SLC2A14: variants seen among roughly 807,000 people sequenced by gnomAD.
SLC2A14 encodes solute carrier family 2 member 14.
In SLC2A14, 13 loss-of-function variants were observed where a neutral mutation model predicts 43.0. That is an observed-to-expected ratio of 0.30 (90% CI 0.20 to 0.48). SLC2A14 has a LOEUF of 0.48. SLC2A14 is among the 20% of genes least tolerant of loss of function. The pLI is 0.99. For missense variants in SLC2A14, 428 were observed against 620.4 expected (o/e 0.69, Z 3.29); for synonymous variants, 190 against 233.8 (o/e 0.81, Z 1.71).
intron 2 of SLC2A14, among the ~76,000 whole-genome samples, chr12:7,859,481 A>G (rs1386861228): frequency 1.3e-5 from 2 of 152,254 alleles, no homozygotes; most frequent in Middle Eastern, 3.4e-3. Context: ...CAAGGAGCCC[A>G]TTTATTATAC....
chr12:7,861,330 C>G (rs1944548069), intron 2 of SLC2A14, among the ~76,000 whole-genome samples: 1 of 152,016 alleles, frequency 6.6e-6, no homozygotes, highest in Non-Finnish European at 1.5e-5. Context: ...AAGTTGACAT[C>G]TAAGAAAATT....
At chr12:7,838,148 C>T (rs181108610) in intron 2 of SLC2A14, among the ~76,000 whole-genome samples, 3 of 151,488 alleles carry the variant, frequency 2.0e-5, no homozygotes, top group African/African-American at 4.8e-5. Flanking sequence ...AGTGCAGTGC[C>T]GAGATCTTGG....
chr12:7,829,167 G>A (rs889617192), intron 5 of SLC2A14, among the ~76,000 whole-genome samples: 2 of 151,728 alleles, frequency 1.3e-5, no homozygotes, highest in East Asian at 1.9e-4. Context: ...AGCCGAGATC[G>A]CGCCACTGCC....
intron 2 of SLC2A14, among the ~76,000 whole-genome samples, chr12:7,867,227 GGAGATCTC>G (rs1944963529): frequency 6.7e-6 from 1 of 149,452 alleles, no homozygotes; most frequent in African/African-American, 2.5e-5. Context: ...TGCAGTGAGC[GGAGATCTC>G]GTGCCACTGC....
chr12:7,814,612 T>C, intron 10 of SLC2A14, 78 bp from the exon 11 acceptor site: 1 of 1,452,110 alleles, frequency 6.9e-7, no homozygotes, highest in Non-Finnish European at 9.3e-7. Flanking sequence ...CACATTCATA[T>C]TTCCAATAGG....
chr12:7,872,654 A>C (rs958505526), intron 1 of SLC2A14, 153 bp downstream of exon 1: 17 of 529,544 alleles, frequency 3.2e-5, no homozygotes, highest in Admixed American at 2.6e-4. Flanking sequence ...CCAAGGCTCC[A>C]AGGCTAGTTT....
chr12:7,822,469 C>T lies in SLC2A14; in HGVS notation c.865-1144G>A, dbSNP rs747976385. ...GATCACGAGGTCAGGAGATCGAGAC[C>T]ATCCTGGCTAACGTGGTGAAACCGT... On this transcript the variant is annotated intron_variant, in intron 7 of 10. Coordinates refer to ENST00000431042, the MANE Select transcript of SLC2A14 (RefSeq NM_001286234.2). Among the ~76,000 whole-genome samples, 26 of 151,698 alleles carry T rather than the reference C, an allele frequency of 1.7e-4. No individual in the cohort carries two copies. The South Asian group carries it at 5.4e-3, about 32-fold the overall frequency.
At chr12:7,876,322 T>G (rs976192894), upstream of SLC2A14, among the ~76,000 whole-genome samples, 12 of 137,508 alleles carry the variant, frequency 8.7e-5, no homozygotes, top group Admixed American at 7.6e-4. Flanking sequence ...AACAGGGAGC[T>G]CTCTCCTGGA....
chr12:7,815,382 T>C (rs1863345976), intron 10 of SLC2A14, among the ~76,000 whole-genome samples: 2 of 151,992 alleles, frequency 1.3e-5, no homozygotes, highest in Admixed American at 6.6e-5. Flanking sequence ...AGCCACTGCA[T>C]TCCACCGTGG....
chr12:7,864,839 G>A (rs537067742), intron 2 of SLC2A14, among the ~76,000 whole-genome samples: 15 of 152,022 alleles, frequency 9.9e-5, no homozygotes, highest in African/African-American at 3.4e-4. Flanking sequence ...ATACTCTTAG[G>A]GTATTTTCAT....
intron 1 of SLC2A14, among the ~76,000 whole-genome samples, chr12:7,889,453 C>T (rs1272381492): frequency 6.6e-6 from 1 of 151,042 alleles, no homozygotes; most frequent in East Asian, 1.9e-4. Flanking sequence ...AGGCTGTTCT[C>T]GAACTCCTGA....
Position 7,827,747 on chromosome 12 carries a change from A to G in SLC2A14, c.677-65T>C, listed in dbSNP as rs772854397. 25 of 1,462,174 alleles carry G rather than the reference A, an allele frequency of 1.7e-5. No homozygotes were observed. The South Asian group carries it at 3.4e-4, about 20-fold the overall frequency. The allele number at this position is 1,462,174 out of a possible 1,614,324, so 90.6% of individuals were successfully genotyped here. Reference sequence around the variant, plus strand: ...GCTGCCCCAAATTCATTCTTCCTGTAAGGCAGCCAGGAAAGGGCCGCACGA... The same window carrying G: ...GCTGCCCCAAATTCATTCTTCCTGTGAGGCAGCCAGGAAAGGGCCGCACGA... On this transcript the variant is annotated intron_variant, in intron 6 of 10. Coordinates refer to ENST00000431042, the MANE Select transcript of SLC2A14 (RefSeq NM_001286234.2).
rs200083055 is a variant in SLC2A14, at chr12:7,817,739, A to AAT, written c.1275+90_1275+91dup. ...CACCAGGGCGAGACTCAGTCTCAAAAATATATATATATATAGATAGATAGA... is the reference window on the plus strand; with the variant it reads ...CACCAGGGCGAGACTCAGTCTCAAAAATATATATATATATATAGATAGATAGA... On this transcript the variant is annotated intron_variant, in intron 10 of 10. Transcript: ENST00000431042. The AAT allele has an allele frequency of 6.4e-4, 494 of 774,004 alleles. 2 individuals carry two copies. Among genetic ancestry groups the AAT allele is most frequent in the Non-Finnish European group, 8.0e-4 (450 of 563,474 alleles). The allele number at this position is 774,004 out of a possible 1,614,324, so 47.9% of individuals were successfully genotyped here.
chr12:7,848,584 T>G (rs1053981501), intron 2 of SLC2A14, among the ~76,000 whole-genome samples: 4 of 151,914 alleles, frequency 2.6e-5, no homozygotes, highest in Admixed American at 2.0e-4. Flanking sequence ...GACAGAGTTT[T>G]TGCTCTTGTC....
intron 2 of SLC2A14, among the ~76,000 whole-genome samples, chr12:7,840,974 T>TA (rs35629381): frequency 0.12 from 17,627 of 152,052 alleles, 2,418 homozygotes; most frequent in African/African-American, 0.32. Context: ...GATGCTAGGG[T>TA]AATGCACTAA....
intron 3 of SLC2A14, among the ~76,000 whole-genome samples, chr12:7,832,498 C>T (rs1865121444): frequency 6.6e-6 from 1 of 152,114 alleles, no homozygotes; most frequent in Non-Finnish European, 1.5e-5. Flanking sequence ...AGGATAGATA[C>T]AAAGTTTAAT....
chr12:7,883,881 C>A (rs1182901806), intron 1 of SLC2A14, among the ~76,000 whole-genome samples: 2 of 151,566 alleles, frequency 1.3e-5, no homozygotes, highest in Non-Finnish European at 2.9e-5. Context: ...CCACGCCTGG[C>A]CCACAAATGC....
At chr12:7,826,932 T>G (rs887006584) in intron 7 of SLC2A14, among the ~76,000 whole-genome samples, 1 of 141,106 alleles carries the variant, frequency 7.1e-6, no homozygotes, top group African/African-American at 2.6e-5. Context: ...TTTTCTTTCC[T>G]TTCCTTTCCT....
rs1343720417 is a variant in SLC2A14, at chr12:7,826,899, TTC to T, written c.864+594_864+595del. ...TTTCTTTCTTTCTTTCTTTCTTTCT[TTC>T]TTTCTTTCTTTCTTTTTCCTTTTTC... On this transcript the variant is annotated intron_variant, in intron 7 of 10. Coordinates refer to ENST00000431042, the MANE Select transcript of SLC2A14 (RefSeq NM_001286234.2). Among the ~76,000 whole-genome samples the T allele has an allele frequency of 5.1e-5, 4 of 78,174 alleles. 1 individual carries two copies. The highest frequency in any genetic ancestry group is 2.5e-4 in the African/African-American group (4 of 15,946). The allele number at this position is 78,174 out of a possible 152,430, so 51.3% of individuals were successfully genotyped here.
Sources: gnomAD v4.1 joint callset for allele counts (sites outside exome capture counted in the v4.1 genomes callset) on GRCh38, gnomAD v4.1.1 for gene constraint, MANE v1.5 for transcripts, NCBI Gene and HGNC (gene_info 2026-07-23, HGNC 2026-07-21) for gene names.